Variants in GPHN observed in about 807,000 individuals in gnomAD.
The protein encoded by GPHN is gephyrin.
In GPHN, 17 loss-of-function variants were observed where a neutral mutation model predicts 95.5. The observed-to-expected ratio is 0.18, with a 90% CI of 0.12 to 0.27. The LOEUF (loss-of-function observed/expected upper bound fraction) is 0.27, where lower values mean the gene tolerates loss of function less well. Among genes scored for constraint, GPHN ranks in the 10% least tolerant of loss-of-function variants. The pLI is 1.00. For missense variants in GPHN, 660 were observed against 978.1 expected (o/e 0.67, Z 4.34); for synonymous variants, 320 against 322.5 (o/e 0.99, Z 0.08).
chr14:66,851,166 A>T (rs183142104), intron 4 of GPHN, among the ~76,000 whole-genome samples: 3 of 151,772 alleles, frequency 2.0e-5, no homozygotes, highest in Admixed American at 2.0e-4. Flanking sequence ...CAAAAAAAAA[A>T]CCCACAAATA....
intron 4 of GPHN, among the ~76,000 whole-genome samples, chr14:66,856,119 A>G (rs1363388084): frequency 6.6e-6 from 1 of 152,154 alleles, no homozygotes; most frequent in Non-Finnish European, 1.5e-5. Flanking sequence ...GAATTCAGTA[A>G]AATATGCGAG....
intron 9 of GPHN, among the ~76,000 whole-genome samples, chr14:66,984,152 G>T (rs1343764668): frequency 1.3e-5 from 2 of 152,106 alleles, no homozygotes; most frequent in Non-Finnish European, 2.9e-5. Flanking sequence ...TGAGGCATCA[G>T]ACTCTTATAT....
In GPHN at chr14:66,750,665, G is replaced by T. The variant is rs527367013; in HGVS notation, c.144-25799G>T. 1.9e-3 allele frequency among the ~76,000 whole-genome samples: 293 copies of T among 151,974 alleles called. 2 individuals carry two copies. Among genetic ancestry groups the T allele is most frequent in the Admixed American group, 3.1e-3 (47 of 15,236 alleles). On this transcript the variant is annotated intron_variant, in intron 2 of 22. Transcript: ENST00000478722. ...GTAAATTAAAGCTTACCAATGTTTT[G>T]TAAAATTCTAAGTATCACTGGCCCT...
chr14:66,553,458 T>C (rs1335200008), intron 1 of GPHN, among the ~76,000 whole-genome samples: 2 of 152,224 alleles, frequency 1.3e-5, no homozygotes, highest in African/African-American at 4.8e-5. Context: ...CATTTATTTC[T>C]CTTCAGCCTT....
intron 1 of GPHN, among the ~76,000 whole-genome samples, chr14:66,542,787 C>A (rs1362611068): frequency 6.6e-6 from 1 of 152,212 alleles, no homozygotes; most frequent in Non-Finnish European, 1.5e-5. Flanking sequence ...ACTCTAATTT[C>A]TTTCTTCCTG....
chr14:66,922,578 C>CA, intron 6 of GPHN, 88 bp from the exon 7 acceptor site: 1 of 1,087,872 alleles, frequency 9.2e-7, no homozygotes, highest in Admixed American at 2.2e-5. Context: ...AATGCAAATC[C>CA]AAAATCACGA....
the GPHN span, chr14:67,221,694 C>T: frequency 6.4e-7 from 1 of 1,561,674 alleles, no homozygotes. Context: ...TAAAGAATGA[C>T]CGGTTATTTT....
the GPHN span, chr14:67,336,703 G>A: frequency 4.4e-6 from 2 of 455,718 alleles, no homozygotes; most frequent in African/African-American, 4.0e-5. Flanking sequence ...TTCCTCATCT[G>A]CAAAGTGGAG....
intron 2 of GPHN, among the ~76,000 whole-genome samples, chr14:66,728,146 G>A (rs1295383578): frequency 6.6e-6 from 1 of 152,132 alleles, no homozygotes; most frequent in Non-Finnish European, 1.5e-5. Flanking sequence ...TTGAGCCTGC[G>A]AGTGCACAGA....
At chr14:67,203,491 T>C in the GPHN span, among the ~76,000 whole-genome samples, 1 of 152,170 alleles carries the variant, frequency 6.6e-6, no homozygotes, top group Non-Finnish European at 1.5e-5. Context: ...GCAGTTAATT[T>C]TTAAAAAACT....
chr14:66,906,624 T>C (rs1302192943), intron 5 of GPHN, among the ~76,000 whole-genome samples: 1 of 152,226 alleles, frequency 6.6e-6, no homozygotes. Flanking sequence ...TTCTCTGTGC[T>C]GTTCATTTGC....
the GPHN span, chr14:67,473,278 G>A: frequency 7.5e-6 from 9 of 1,198,324 alleles, no homozygotes; most frequent in African/African-American, 1.5e-5. This position sits in a 1 kb window ranked among gnomAD's most constrained non-coding sequence, Gnocchi z 6.5. Context: ...CCCCGCGGAC[G>A]TTAGGGGGCT....
the GPHN span, chr14:67,381,705 G>A: frequency 7.0e-6 from 11 of 1,578,834 alleles, no homozygotes; most frequent in Admixed American, 1.9e-4. Context: ...GTCATGAGTT[G>A]TCTCCCTCCC....
the GPHN span, among the ~76,000 whole-genome samples, chr14:67,566,798 G>T: frequency 1.3e-5 from 2 of 151,354 alleles, no homozygotes; most frequent in Admixed American, 1.3e-4. Flanking sequence ...CAGGTTAAGT[G>T]TATGTGTGTG....
At chr14:66,890,333 A>G (rs1431729312) in intron 5 of GPHN, among the ~76,000 whole-genome samples, 4 of 149,494 alleles carry the variant, frequency 2.7e-5, no homozygotes, top group African/African-American at 9.8e-5. Flanking sequence ...ACTTGAGCCC[A>G]GGAGGTAGAG....
the GPHN span, chr14:67,199,515 T>C: frequency 1.9e-6 from 3 of 1,612,694 alleles, no homozygotes; most frequent in Admixed American, 1.7e-5. Flanking sequence ...TTTGCTTCAT[T>C]TGATGCTTCA....
chr14:66,708,681 G>A (rs968793940), intron 2 of GPHN, among the ~76,000 whole-genome samples: 34 of 152,190 alleles, frequency 2.2e-4, no homozygotes, highest in African/African-American at 7.9e-4. Context: ...AGATTTGCTT[G>A]GATTTGCCAG....
chr14:67,678,027 G>A, the GPHN span: 2 of 234,146 alleles, frequency 8.5e-6, no homozygotes, highest in East Asian at 2.1e-4. Context: ...CTCCTAGGTA[G>A]TAGTTTCTTT....
the GPHN span, among the ~76,000 whole-genome samples, chr14:67,633,701 C>T: frequency 2.0e-5 from 3 of 152,212 alleles, no homozygotes; most frequent in Non-Finnish European, 4.4e-5. Flanking sequence ...TTGTTCCCCA[C>T]CACATTTAGG....
Sources: allele counts gnomAD v4.1 joint callset (sites outside exome capture counted in the v4.1 genomes callset), GRCh38; gene constraint gnomAD v4.1.1; non-coding constraint Gnocchi (gnomAD v3.1); transcripts MANE v1.5; gene names NCBI Gene and HGNC (gene_info 2026-07-23, HGNC 2026-07-21).